The following ATP2A3 variants were observed in gnomAD, a reference collection of about 807,000 sequenced individuals.
ATP2A3 encodes the protein ATPase sarcoplasmic/endoplasmic reticulum Ca2+ transporting 3, also known as sarcoplasmic/endoplasmic reticulum calcium ATPase 3.
A neutral mutation model predicts 106.8 loss-of-function variants in ATP2A3; 61 were observed. The observed-to-expected ratio is 0.57, with a 90% CI of 0.46 to 0.71. The LOEUF is 0.71. Among genes scored for constraint, ATP2A3 ranks in the 30% least tolerant of loss-of-function variants. The pLI is 0.00. For missense variants in ATP2A3, 1,201 were observed against 1,423.5 expected (o/e 0.84, Z 2.52); for synonymous variants, 611 against 609.3 (o/e 1.00, Z -0.04).
intron 4 of ATP2A3, 25 bp downstream of exon 4, chr17:3,951,556 C>CCCCCCCCA (rs2054440199): frequency 1.6e-5 from 22 of 1,345,638 alleles, no homozygotes; most frequent in Non-Finnish European, 1.9e-5. Context: ...GCCCCCCGCC[C>CCCCCCCCA]GGTCCCACCC....
chr17:3,929,944 C>A lies in ATP2A3; in HGVS notation c.2744+357G>T, dbSNP rs1158525691. ...CCCAAACATCAGACCCCAACCTGAACCCCTTGACCCCAGACCCCAATCCTG... is the reference window on the plus strand; with the variant it reads ...CCCAAACATCAGACCCCAACCTGAAACCCTTGACCCCAGACCCCAATCCTG... On this transcript the variant is annotated intron_variant, in intron 18 of 20. Coordinates refer to ENST00000397041, the MANE Select transcript of ATP2A3 (RefSeq NM_005173.4). The surrounding 1 kb of genome is among the most constrained non-coding windows in gnomAD (Gnocchi z 4.3). Among the ~76,000 whole-genome samples, 2 of 138,380 alleles carry A rather than the reference C, an allele frequency of 1.4e-5. No individual in the cohort carries two copies. The highest frequency in any genetic ancestry group is 2.3e-4 in the South Asian group (1 of 4,342). The allele number at this position is 138,380 out of a possible 152,430, so 90.8% of individuals were successfully genotyped here.
chr17:3,944,968 C>A (rs1342953287), intron 9 of ATP2A3, 92 bp downstream of exon 9: 2 of 1,301,324 alleles, frequency 1.5e-6, no homozygotes, highest in East Asian at 3.2e-5. Flanking sequence ...TCCTGGCCCG[C>A]CCCCAGGGGC....
At chr17:3,956,477 C>T (rs114503988) in intron 1 of ATP2A3, among the ~76,000 whole-genome samples, 1,864 of 152,302 alleles carry the variant, frequency 0.012, 45 homozygotes, top group African/African-American at 0.042. Context: ...TCTGTGCTGG[C>T]CAGGACCGCA....
At position 3,930,514 on chromosome 17, in the gene ATP2A3, G is replaced by A; in HGVS notation, c.2611-80C>T. 6.4e-7 allele frequency: 1 copy of A among 1,562,708 alleles called. No individual in the cohort carries two copies. Among genetic ancestry groups the A allele is most frequent in the Non-Finnish European group, 8.7e-7 (1 of 1,153,530 alleles). ...GGTGGGAGGAGGGAAGCCTCATCCT[G>A]CCCTTGGCCCACGCCTGGGCACAAC... On this transcript the variant is annotated intron_variant, in intron 17 of 20. Transcript: ENST00000397041. The surrounding 1 kb of genome is among the most constrained non-coding windows in gnomAD (Gnocchi z 5.4).
rs1371068564 is a variant in ATP2A3, at chr17:3,953,383, C to T, written c.183G>A (p.Leu61=). ...GGGCAGCCAGCAGCAGGATGCGCAC[C>T]AGGAGGTCCTCAAACTGTTCCAGCA... ...ELVLEQFEDL[L]VRILLLAALV... Residue 61 remains leucine, a synonymous_variant, in exon 3 of 21, where the codon CTG becomes CTA. Transcript: ENST00000397041. This position sits in a 1 kb window ranked among gnomAD's most constrained non-coding sequence, Gnocchi z 5.1. 3 of 1,614,038 alleles carry T rather than the reference C, an allele frequency of 1.9e-6. No individual in the cohort carries two copies. The highest frequency in any genetic ancestry group is 4.5e-5 in the East Asian group (2 of 44,872).
chr17:3,948,939 G>A (rs957626610), intron 7 of ATP2A3, among the ~76,000 whole-genome samples: 1 of 152,038 alleles, frequency 6.6e-6, no homozygotes, highest in Non-Finnish European at 1.5e-5. Flanking sequence ...GACCAGCCTG[G>A]CCAACATGGT....
intron 8 of ATP2A3, among the ~76,000 whole-genome samples, chr17:3,946,261 AT>A (rs2054111998): frequency 7.9e-6 from 1 of 125,930 alleles, no homozygotes; most frequent in South Asian, 2.5e-4. Flanking sequence ...AAAAAAAAAA[AT>A]TTATTAGGGC....
intron 1 of ATP2A3, among the ~76,000 whole-genome samples, chr17:3,960,349 G>C (rs1470172664): frequency 6.6e-6 from 1 of 152,258 alleles, no homozygotes; most frequent in Non-Finnish European, 1.5e-5. Flanking sequence ...GCTGGCAGGA[G>C]TCTAAATCTG....
chr17:3,940,057 T>TG (rs2053674756), intron 14 of ATP2A3, among the ~76,000 whole-genome samples: 1 of 142,602 alleles, frequency 7.0e-6, no homozygotes, highest in Non-Finnish European at 1.5e-5. Context: ...TTTGTTTTTT[T>TG]TTTTTTTGGA....
In ATP2A3 at chr17:3,930,774, C is replaced by G. The variant is rs141102221; in HGVS notation, c.2611-340G>C. The G allele has an allele frequency of 2.4e-6, 1 of 423,112 alleles. No individual in the cohort carries two copies. Among genetic ancestry groups the G allele is most frequent in the Non-Finnish European group, 4.5e-6 (1 of 223,566 alleles). 26.2% of individuals were successfully genotyped at this position (423,112 alleles called of 1,614,324 possible). A position where few individuals can be genotyped will look rare whatever the true frequency, so the allele number is the denominator to read the frequency against. ...TAGGGAAATGCATGTGAAAATCAAC[C>G]AACAAAACCATGCGGGAGTGGAATT... On this transcript the variant is annotated intron_variant, in intron 17 of 20. Transcript: ENST00000397041. The surrounding 1 kb of genome is among the most constrained non-coding windows in gnomAD (Gnocchi z 5.4).
Position 3,955,282 on chromosome 17 carries a change from C to A in ATP2A3, c.119-1572G>T, listed in dbSNP as rs143659624. 6.6e-6 allele frequency among the ~76,000 whole-genome samples: 1 copy of A among 151,966 alleles called. No individual in the cohort carries two copies. Among genetic ancestry groups the A allele is most frequent in the Non-Finnish European group, 1.5e-5 (1 of 67,948 alleles). On this transcript the variant is annotated intron_variant, in intron 1 of 20. Coordinates refer to ENST00000397041, the MANE Select transcript of ATP2A3 (RefSeq NM_005173.4). This position sits in a 1 kb window ranked among gnomAD's most constrained non-coding sequence, Gnocchi z 4.2. Reference sequence around the variant, plus strand: ...GGCCTACAGGCATTTTTTTTTCCTACGGGAGCCCTCTCCCCGGACCACCTG... The same window carrying A: ...GGCCTACAGGCATTTTTTTTTCCTAAGGGAGCCCTCTCCCCGGACCACCTG...
At chr17:3,958,849 A>AAT (rs775662160) in intron 1 of ATP2A3, among the ~76,000 whole-genome samples, 2,836 of 84,272 alleles carry the variant, frequency 0.034, 230 homozygotes, top group African/African-American at 0.052. Context: ...CACATATATA[A>AAT]ATATATATAT....
In ATP2A3 at chr17:3,937,648, G is replaced by C; in HGVS notation, c.2101-12C>G. On this transcript the variant is annotated splice_polypyrimidine_tract_variant and intron_variant, in intron 14 of 20. Transcript: ENST00000397041. ...ACTCCATCGCCAGTCTGTGGGCCAG[G>C]TCAGGTAGGGCTGTGCCTGAGAAAC... 6.2e-7 allele frequency: 1 copy of C among 1,612,558 alleles called. No homozygotes were observed. Among genetic ancestry groups the C allele is most frequent in the Non-Finnish European group, 8.5e-7 (1 of 1,179,440 alleles).
intron 16 of ATP2A3, 112 bp from the exon 17 acceptor site, chr17:3,935,389 C>A: frequency 9.5e-7 from 1 of 1,048,482 alleles, no homozygotes; most frequent in South Asian, 1.4e-5. Context: ...CTTTTCCTCT[C>A]TCAGCCCTGT....
rs73971760 is a variant in ATP2A3 at position 3,944,577 on chromosome 17, C to G, written c.1287+127G>C. On this transcript the variant is annotated intron_variant, in intron 10 of 20. Coordinates refer to ENST00000397041, the MANE Select transcript of ATP2A3 (RefSeq NM_005173.4). The stretch of plus-strand genomic sequence containing the variant: ...GGCAGAGAGGGGTGTGCAGGGGTAA[C>G]CGTGCTCCCTGGGTGTGGCACTTCC... 2,207 of 924,780 alleles carry G rather than the reference C, an allele frequency of 2.4e-3. 23 individuals carry two copies. In the African/African-American group the frequency reaches 0.031, roughly 13 times the overall value. 57.3% of individuals were successfully genotyped at this position (924,780 alleles called of 1,614,324 possible).
At chr17:3,944,439 A>C (rs1179767056) in intron 10 of ATP2A3, among the ~76,000 whole-genome samples, 1 of 151,942 alleles carries the variant, frequency 6.6e-6, no homozygotes, top group African/African-American at 2.4e-5. Flanking sequence ...TGTTCCCCAA[A>C]TCTCTTCCCC....
rs534064431 is a variant in ATP2A3 at position 3,937,330 on chromosome 17, A to C, written c.2321+86T>G. On this transcript the variant is annotated intron_variant, in intron 15 of 20. Transcript: ENST00000397041. ...AGGGCACAGGCCCCTCCATCCCTGC[A>C]GCGCATCCGAGGAACAGGCGTTTTC... 9 of 1,444,154 alleles carry C rather than the reference A, an allele frequency of 6.2e-6. No homozygotes were observed. The South Asian group carries it at 1.1e-4, about 18-fold the overall frequency. 89.5% of individuals were successfully genotyped at this position (1,444,154 alleles called of 1,614,324 possible). A position where few individuals can be genotyped will look rare whatever the true frequency, so the allele number is the denominator to read the frequency against.
At position 3,935,972 on chromosome 17, in the gene ATP2A3, G is replaced by C. The variant is rs111858446; in HGVS notation, c.2524+295C>G. 2.7e-3 allele frequency among the ~76,000 whole-genome samples: 415 copies of C among 152,308 alleles called. 6 individuals are homozygous for C. The highest frequency in any genetic ancestry group is 9.3e-3 in the African/African-American group (388 of 41,558). ...CTACCGGGAGAGCAGCATGATAAAA[G>C]ACTCTCTCTTCTGCTGAATTTGGGG... On this transcript the variant is annotated intron_variant, in intron 16 of 20. Transcript: ENST00000397041.
chr17:3,946,116 C>G (rs1420854932), intron 8 of ATP2A3, among the ~76,000 whole-genome samples: 1 of 150,562 alleles, frequency 6.6e-6, no homozygotes, highest in Non-Finnish European at 1.5e-5. Flanking sequence ...GGTGTGGTGG[C>G]ACGCGCCTGT....
Sources: gnomAD v4.1 joint callset for allele counts (sites outside exome capture counted in the v4.1 genomes callset) on GRCh38, gnomAD v4.1.1 for gene constraint, Gnocchi (gnomAD v3.1) non-coding constraint, MANE v1.5 for transcripts, NCBI Gene and HGNC (gene_info 2026-07-23, HGNC 2026-07-21) for gene names.